Variants in PKP1 observed in about 807,000 individuals in gnomAD.
PKP1 encodes plakophilin-1.
In PKP1, 27 loss-of-function variants were observed where a neutral mutation model predicts 76.4. The ratio of observed to expected loss-of-function variants is 0.35; its 90% CI spans 0.26 to 0.49. The LOEUF (loss-of-function observed/expected upper bound fraction) is 0.49, where lower values mean the gene tolerates loss of function less well. Among genes scored for constraint, PKP1 ranks in the 20% least tolerant of loss-of-function variants. The pLI, the probability that PKP1 is intolerant of heterozygous loss-of-function variation, is 0.99. For synonymous variants in PKP1, 404 were observed against 384.2 expected (o/e 1.05, Z -0.60); for missense variants, 964 against 955.2 (o/e 1.01, Z -0.12).
At chr1:201,301,744 CT>C (rs1656237602) in intron 2 of PKP1, among the ~76,000 whole-genome samples, 2 of 144,136 alleles carry the variant, frequency 1.4e-5, no homozygotes, top group Admixed American at 1.4e-4. Flanking sequence ...TTTTTTTTTT[CT>C]TTTGGCCCTG....
In PKP1 at chr1:201,300,193, G is replaced by A. The variant is rs113524097; in HGVS notation, c.306+6148G>A. 6.3e-3 allele frequency among the ~76,000 whole-genome samples: 966 copies of A among 152,348 alleles called. 12 individuals carry two copies. The highest frequency in any genetic ancestry group is 0.022 in the African/African-American group (910 of 41,572). ...TGAGAGAAAATGGAGGCAAGTGAGCGGGAGCGGGCGGGCCGGCTCCAGGGG... is the reference window on the plus strand; with the variant it reads ...TGAGAGAAAATGGAGGCAAGTGAGCAGGAGCGGGCGGGCCGGCTCCAGGGG... On this transcript the variant is annotated intron_variant, in intron 2 of 13. Coordinates refer to ENST00000367324, the MANE Select transcript of PKP1 (RefSeq NM_001005337.3).
chr1:201,311,713 G>T (rs1656558060), intron 2 of PKP1, among the ~76,000 whole-genome samples: 1 of 152,246 alleles, frequency 6.6e-6, no homozygotes, highest in African/African-American at 2.4e-5. Flanking sequence ...GGGAGGGGCA[G>T]GGGTGGGCGG....
At chr1:201,299,340 A>G (rs854503) in intron 2 of PKP1, among the ~76,000 whole-genome samples, 1 of 152,228 alleles carries the variant, frequency 6.6e-6, no homozygotes, top group Non-Finnish European at 1.5e-5. Flanking sequence ...CTCAAAGAGC[A>G]GTATGAAGTT....
In PKP1 at chr1:201,325,014, C is replaced by T. The variant is rs201256516; in HGVS notation, c.1908C>T (p.Ile636=). Residue 636 remains isoleucine (I), a synonymous_variant, in exon 11 of 14, where the codon ATC becomes ATT. Coordinates refer to ENST00000367324, the MANE Select transcript of PKP1 (RefSeq NM_001005337.3). ...HTGNTSNSED[I]LSSACYTVRN... is the part of the protein sequence containing the mutation. ...GCAATACCAGCAACTCCGAAGACATCTTGTCCTCGGCCTGCTACACTGTGA... is the reference window on the plus strand; with the variant it reads ...GCAATACCAGCAACTCCGAAGACATTTTGTCCTCGGCCTGCTACACTGTGA... The T allele has an allele frequency of 6.2e-7, 1 of 1,613,810 alleles. No individual in the cohort carries two copies. The highest frequency in any genetic ancestry group is 1.3e-5 in the African/African-American group (1 of 75,054).
chr1:201,289,593 G>T (rs1655850978), intron 1 of PKP1, among the ~76,000 whole-genome samples: 1 of 152,132 alleles, frequency 6.6e-6, no homozygotes, highest in Non-Finnish European at 1.5e-5. Context: ...GGGATTGGGG[G>T]TGTGGAGTGT....
chr1:201,319,997 G>A lies in PKP1; in HGVS notation c.1233-270G>A, dbSNP rs773403909. ...TGAGTGCAAATGAGACCTCATTTCA[G>A]CCTCAGCCAGGGCCAGGCGGAATTG... On this transcript the variant is annotated intron_variant, in intron 6 of 13. Transcript: ENST00000367324. 3 of 1,126,516 alleles carry A rather than the reference G, an allele frequency of 2.7e-6. No homozygotes were observed. In the African/African-American group the frequency reaches 4.5e-5, roughly 17 times the overall value. 69.8% of individuals were successfully genotyped at this position (1,126,516 alleles called of 1,614,324 possible). A position where few individuals can be genotyped will look rare whatever the true frequency, so the allele number is the denominator to read the frequency against.
intron 2 of PKP1, among the ~76,000 whole-genome samples, chr1:201,306,335 G>A (rs929921042): frequency 6.6e-6 from 1 of 152,238 alleles, no homozygotes; most frequent in South Asian, 2.1e-4. Context: ...GGCTGCACAA[G>A]TGCGTGTTGT....
At chr1:201,305,074 G>A (rs2102165206) in intron 2 of PKP1, among the ~76,000 whole-genome samples, 1 of 152,354 alleles carries the variant, frequency 6.6e-6, no homozygotes, top group Non-Finnish European at 1.5e-5. Flanking sequence ...GGCATGGGAT[G>A]TGTGTCCCAC....
At chr1:201,312,456 T>A (rs929603178) in intron 2 of PKP1, among the ~76,000 whole-genome samples, 1 of 152,188 alleles carries the variant, frequency 6.6e-6, no homozygotes, top group Non-Finnish European at 1.5e-5. Flanking sequence ...AGGTCACTCT[T>A]CTCTGGGCCT....
At chr1:201,323,793 T>C (rs1185971775) in intron 9 of PKP1, among the ~76,000 whole-genome samples, 5 of 152,110 alleles carry the variant, frequency 3.3e-5, no homozygotes, top group Admixed American at 6.5e-5. Context: ...AGAACTTCCC[T>C]GGCTGTGAGG....
At chr1:201,290,088 C>T (rs915586060) in intron 1 of PKP1, among the ~76,000 whole-genome samples, 4 of 152,148 alleles carry the variant, frequency 2.6e-5, no homozygotes, top group East Asian at 3.9e-4. Flanking sequence ...ACCGATGACA[C>T]AAGAAAGAAT....
intron 1 of PKP1, among the ~76,000 whole-genome samples, chr1:201,288,057 C>T (rs1355129435): frequency 6.6e-6 from 1 of 152,108 alleles, no homozygotes; most frequent in East Asian, 1.9e-4. Flanking sequence ...CATGCACACA[C>T]TTATGTTATG....
At chr1:201,313,689 A>G in intron 3 of PKP1, 129 bp downstream of exon 3, 1 of 1,012,084 alleles carries the variant, frequency 9.9e-7, no homozygotes, top group East Asian at 2.5e-5. Context: ...TGGGGAGTTC[A>G]TTGCCCCTGG....
chr1:201,294,119 C>A, intron 2 of PKP1, 74 bp downstream of exon 2: 2 of 989,880 alleles, frequency 2.0e-6, no homozygotes, highest in South Asian at 1.4e-5. Flanking sequence ...TGGAGAAAAC[C>A]GGCACCAGTT....
chr1:201,286,386 A>G (rs1655738492), intron 1 of PKP1, among the ~76,000 whole-genome samples: 1 of 152,148 alleles, frequency 6.6e-6, no homozygotes, highest in Non-Finnish European at 1.5e-5. Context: ...AAGAGTAGCC[A>G]CTGCTCCTTG....
intron 3 of PKP1, among the ~76,000 whole-genome samples, chr1:201,314,929 G>A (rs971970267): frequency 6.6e-6 from 1 of 152,240 alleles, no homozygotes; most frequent in Non-Finnish European, 1.5e-5. Flanking sequence ...GTATTCCTGA[G>A]GAGAAAACAA....
chr1:201,305,797 C>T (rs1026727649), intron 2 of PKP1, among the ~76,000 whole-genome samples: 2 of 152,200 alleles, frequency 1.3e-5, no homozygotes, highest in Non-Finnish European at 2.9e-5. Context: ...GAGGTGCTGG[C>T]TCGTCATCCA....
intron 2 of PKP1, among the ~76,000 whole-genome samples, chr1:201,295,284 G>T (rs1462906748): frequency 6.6e-6 from 1 of 152,108 alleles, no homozygotes; most frequent in South Asian, 2.1e-4. Flanking sequence ...AATTTTGGAG[G>T]CTATGTCTTT....
intron 12 of PKP1, among the ~76,000 whole-genome samples, chr1:201,326,083 G>T (rs1246062047): frequency 6.6e-6 from 1 of 152,236 alleles, no homozygotes; most frequent in African/African-American, 2.4e-5. Flanking sequence ...AAATGTGTGA[G>T]AGGCCTGGGG....
Sources: allele counts gnomAD v4.1 joint callset (sites outside exome capture counted in the v4.1 genomes callset), GRCh38; gene constraint gnomAD v4.1.1; transcripts MANE v1.5; gene names NCBI Gene and HGNC (gene_info 2026-07-23, HGNC 2026-07-21).